The following KHDRBS2 variants were observed in gnomAD, a reference collection of about 807,000 sequenced individuals.
KHDRBS2 encodes KH RNA binding domain containing, signal transduction associated 2.
A neutral mutation model predicts 44.3 loss-of-function variants in KHDRBS2; 26 were observed. That is an observed-to-expected ratio of 0.59 (90% CI 0.43 to 0.81). The LOEUF (loss-of-function observed/expected upper bound fraction) is 0.81, where lower values mean the gene tolerates loss of function less well. Among genes scored for constraint, KHDRBS2 ranks in the 40% least tolerant of loss-of-function variants. The pLI is 0.00. For synonymous variants in KHDRBS2, 194 were observed against 151.1 expected (o/e 1.28, Z -2.08); for missense variants, 476 against 433.1 (o/e 1.10, Z -0.88).
rs1775999720 is a variant in KHDRBS2 at position 61,740,583 on chromosome 6, A to G, written c.811-7819T>C. On this transcript the variant is annotated intron_variant, in intron 6 of 8. Transcript: ENST00000281156. The stretch of plus-strand genomic sequence containing the variant: ...CCACTATTTTCTTGAACATGTTATC[A>G]TAGTTACTGTAAAGTCCCTGAATGA... 1.3e-5 allele frequency among the ~76,000 whole-genome samples: 2 copies of G among 151,962 alleles called. 1 individual carries two copies. Among genetic ancestry groups the G allele is most frequent in the South Asian group, 4.1e-4 (2 of 4,834 alleles).
chr6:61,958,219 G>T (rs1329787770), intron 4 of KHDRBS2, among the ~76,000 whole-genome samples: 1 of 151,980 alleles, frequency 6.6e-6, no homozygotes, highest in African/African-American at 2.4e-5. Context: ...TTTCTTTGTG[G>T]ACACAATTTC....
the KHDRBS2 span, among the ~76,000 whole-genome samples, chr6:61,601,047 T>A: frequency 6.6e-6 from 1 of 152,184 alleles, no homozygotes; most frequent in Non-Finnish European, 1.5e-5. Flanking sequence ...TGGTGTTTGA[T>A]CACTGCAGGG....
intron 2 of KHDRBS2, among the ~76,000 whole-genome samples, chr6:62,075,022 A>G (rs1796057235): frequency 1.3e-5 from 2 of 151,940 alleles, no homozygotes; most frequent in East Asian, 1.9e-4. Flanking sequence ...GTATGTGTGT[A>G]CACGTGAAAT....
the KHDRBS2 span, among the ~76,000 whole-genome samples, chr6:61,648,639 T>C: frequency 6.6e-6 from 1 of 152,104 alleles, no homozygotes; most frequent in African/African-American, 2.4e-5. Context: ...GCAAAGCAAT[T>C]ATATAGAAAA....
intron 2 of KHDRBS2, among the ~76,000 whole-genome samples, chr6:62,148,126 C>G (rs999397549): frequency 6.6e-6 from 1 of 151,942 alleles, no homozygotes; most frequent in Non-Finnish European, 1.5e-5. Context: ...GTTGGTGTAA[C>G]TGGATTATTC....
At chr6:61,901,822 G>T (rs963221682) in intron 4 of KHDRBS2, among the ~76,000 whole-genome samples, 5 of 152,106 alleles carry the variant, frequency 3.3e-5, no homozygotes, top group African/African-American at 1.2e-4. Context: ...AATCCCAAGG[G>T]CTCAGAGTAG....
At chr6:62,075,463 C>T (rs1796141650) in intron 2 of KHDRBS2, among the ~76,000 whole-genome samples, 1 of 151,902 alleles carries the variant, frequency 6.6e-6, no homozygotes, top group African/African-American at 2.4e-5. Context: ...CTAAAACATC[C>T]TGGTATACCA....
At chr6:61,623,347 G>C in the KHDRBS2 span, among the ~76,000 whole-genome samples, 1 of 152,138 alleles carries the variant, frequency 6.6e-6, no homozygotes, top group African/African-American at 2.4e-5. Flanking sequence ...TCAGTGGTGG[G>C]TAAGTATGCA....
intron 4 of KHDRBS2, among the ~76,000 whole-genome samples, chr6:61,943,135 G>GAA (rs1812503910): frequency 8.4e-6 from 1 of 118,564 alleles, no homozygotes; most frequent in Non-Finnish European, 1.9e-5. Context: ...AAGAAAGAAA[G>GAA]AAATAAAACC....
intron 8 of KHDRBS2, among the ~76,000 whole-genome samples, chr6:61,685,048 C>A (rs562725936): frequency 1.3e-5 from 2 of 151,646 alleles, no homozygotes; most frequent in South Asian, 4.2e-4. Context: ...AAAAAATGAA[C>A]CTGAAATTTC....
At chr6:61,819,176 A>G (rs1273470958) in intron 6 of KHDRBS2, among the ~76,000 whole-genome samples, 1 of 152,000 alleles carries the variant, frequency 6.6e-6, no homozygotes, top group Admixed American at 6.6e-5. Flanking sequence ...TTTAATGTGT[A>G]AACTATAAAA....
At chr6:62,240,388 G>A (rs923934964) in intron 1 of KHDRBS2, among the ~76,000 whole-genome samples, 4 of 151,638 alleles carry the variant, frequency 2.6e-5, no homozygotes, top group African/African-American at 7.3e-5. Flanking sequence ...CAAATATCCT[G>A]GTTTCCTTTA....
chr6:61,591,358 C>CGA, the KHDRBS2 span, among the ~76,000 whole-genome samples: 2 of 151,988 alleles, frequency 1.3e-5, no homozygotes, highest in Non-Finnish European at 1.5e-5. Context: ...TATAGAATGT[C>CGA]ATTAGAAAAC....
chr6:61,903,813 T>G (rs886968850), intron 4 of KHDRBS2, among the ~76,000 whole-genome samples: 1 of 152,054 alleles, frequency 6.6e-6, no homozygotes, highest in Non-Finnish European at 1.5e-5. Flanking sequence ...TTCTGAAGGA[T>G]GAGAGGTAAC....
At chr6:62,009,918 C>T (rs550733970) in intron 3 of KHDRBS2, among the ~76,000 whole-genome samples, 11 of 152,282 alleles carry the variant, frequency 7.2e-5, no homozygotes, top group Non-Finnish European at 1.2e-4. Flanking sequence ...TAGGGCACTG[C>T]AGAAGGGAAG....
the KHDRBS2 span, among the ~76,000 whole-genome samples, chr6:61,621,390 T>A: frequency 1.2e-4 from 19 of 152,214 alleles, no homozygotes; most frequent in Non-Finnish European, 2.4e-4. Flanking sequence ...GGGTAGCAAG[T>A]AGTTAATAGA....
chr6:62,247,295 C>T lies in KHDRBS2; in HGVS notation c.91+38563G>A, dbSNP rs150707378. Among the ~76,000 whole-genome samples the T allele has an allele frequency of 2.5e-3, 382 of 151,886 alleles. 3 individuals carry two copies. The highest frequency in any genetic ancestry group is 8.4e-3 in the African/African-American group (350 of 41,482). On this transcript the variant is annotated intron_variant, in intron 1 of 8. Transcript: ENST00000281156. The stretch of plus-strand genomic sequence containing the variant: ...TAAATAACATGAGATATAGTGTAAG[C>T]ATATATTCTTTTTGGTGCTAGGTTG...
chr6:61,723,406 G>A (rs1266712554), intron 7 of KHDRBS2, among the ~76,000 whole-genome samples: 1 of 152,064 alleles, frequency 6.6e-6, no homozygotes, highest in East Asian at 1.9e-4. Flanking sequence ...GACAGAAGTA[G>A]ACTTCAGAAG....
At chr6:61,679,769 A>G (rs1337673430), downstream of KHDRBS2, among the ~76,000 whole-genome samples, 8 of 151,972 alleles carry the variant, frequency 5.3e-5, no homozygotes, top group Non-Finnish European at 1.0e-4. Context: ...AATAAAGTGA[A>G]TCTACGCAAT....
Sources: allele counts gnomAD v4.1 joint callset (sites outside exome capture counted in the v4.1 genomes callset), GRCh38; gene constraint gnomAD v4.1.1; transcripts MANE v1.5; gene names NCBI Gene and HGNC (gene_info 2026-07-23, HGNC 2026-07-21).